Variants in ZFAND6 observed in about 807,000 individuals in gnomAD.
ZFAND6 encodes the protein zinc finger AN1-type containing 6.
ZFAND6 carries 12 observed loss-of-function variants against 24.5 expected under a neutral mutation model. That is an observed-to-expected ratio of 0.49 (90% CI 0.31 to 0.79). ZFAND6 has a LOEUF of 0.79. Among genes scored for constraint, ZFAND6 ranks in the 30% least tolerant of loss-of-function variants. The pLI, the probability that ZFAND6 is intolerant of heterozygous loss-of-function variation, is 0.04. For synonymous variants in ZFAND6, 92 were observed against 81.5 expected (o/e 1.13, Z -0.69); for missense variants, 207 against 245.9 (o/e 0.84, Z 1.06).
At chr15:80,126,977 G>A (rs895178222) in intron 5 of ZFAND6, among the ~76,000 whole-genome samples, 6 of 151,930 alleles carry the variant, frequency 3.9e-5, no homozygotes, top group Admixed American at 6.6e-5. Context: ...GGTGGCGCAC[G>A]CTTGTAGTCC....
chr15:80,068,958 CTT>C (rs1248694784), intron 1 of ZFAND6, among the ~76,000 whole-genome samples: 1 of 152,210 alleles, frequency 6.6e-6, no homozygotes, highest in African/African-American at 2.4e-5. Flanking sequence ...ACTCTGTTAA[CTT>C]TTGAATGTTA....
intron 1 of ZFAND6, among the ~76,000 whole-genome samples, chr15:80,070,624 C>T (rs886965428): frequency 2.0e-5 from 3 of 152,112 alleles, no homozygotes; most frequent in African/African-American, 7.2e-5. Context: ...GTTCTCTTTT[C>T]TCTTGGTTAT....
chr15:80,085,100 T>C (rs2037911103), intron 1 of ZFAND6, among the ~76,000 whole-genome samples: 1 of 152,220 alleles, frequency 6.6e-6, no homozygotes, highest in Non-Finnish European at 1.5e-5. Context: ...GGCTGCTGAT[T>C]CTTCCATACG....
At chr15:80,067,344 C>G (rs985587191) in intron 1 of ZFAND6, among the ~76,000 whole-genome samples, 28 of 152,164 alleles carry the variant, frequency 1.8e-4, no homozygotes, top group African/African-American at 6.5e-4. Context: ...TTTCTCTACT[C>G]AAGACCTTTG....
rs1003770092 is a variant in ZFAND6 at position 80,137,819 on chromosome 15, G to C, written c.*191G>C. ...CCATTGCAATTTCTGTGGCTGAGGA[G>C]ACTTAAACTTTACAAGTATTATCCT... On this transcript the variant is annotated 3_prime_UTR_variant, in exon 7 of 7. Coordinates refer to ENST00000261749, the MANE Select transcript of ZFAND6 (RefSeq NM_019006.4). 4 of 512,604 alleles carry C rather than the reference G, an allele frequency of 7.8e-6. No individual in the cohort carries two copies. The African/African-American group carries it at 8.0e-5, about 10-fold the overall frequency. The allele number at this position is 512,604 out of a possible 1,614,324, so 31.8% of individuals were successfully genotyped here.
At chr15:80,107,462 TTCA>T (rs1169914306) in intron 2 of ZFAND6, among the ~76,000 whole-genome samples, 5 of 152,210 alleles carry the variant, frequency 3.3e-5, no homozygotes, top group African/African-American at 1.2e-4. Context: ...TGTTTTACCC[TTCA>T]TTGCTTTTAC....
At chr15:80,099,912 C>T (rs79709967) in intron 2 of ZFAND6, among the ~76,000 whole-genome samples, 3,578 of 152,160 alleles carry the variant, frequency 0.024, 121 homozygotes, top group African/African-American at 0.079. Flanking sequence ...CCACCTTGCG[C>T]GGCCGAATAT....
intron 6 of ZFAND6, among the ~76,000 whole-genome samples, chr15:80,135,457 G>A (rs891982427): frequency 3.9e-5 from 6 of 152,226 alleles, no homozygotes; most frequent in African/African-American, 1.4e-4. Flanking sequence ...GAAAGTAGTT[G>A]CAGCTATAGA....
chr15:80,101,972 T>G (rs2039059944), intron 2 of ZFAND6, among the ~76,000 whole-genome samples: 1 of 151,574 alleles, frequency 6.6e-6, no homozygotes, highest in South Asian at 2.1e-4. Context: ...TTTTGTATTT[T>G]TTAGTAGAGA....
At chr15:80,068,895 GGT>G (rs1196756297) in intron 1 of ZFAND6, among the ~76,000 whole-genome samples, 18 of 152,164 alleles carry the variant, frequency 1.2e-4, no homozygotes, top group African/African-American at 4.3e-4. Flanking sequence ...TATTTACTGT[GGT>G]ATCTTCAGCG....
intron 1 of ZFAND6, chr15:80,060,126 C>T (rs2036243746): frequency 6.6e-6 from 1 of 151,976 alleles, no homozygotes. Context: ...CTCAGTTCTT[C>T]AGGGCCGCGG....
intron 1 of ZFAND6, among the ~76,000 whole-genome samples, chr15:80,086,902 G>A (rs1235095659): frequency 2.0e-5 from 3 of 152,314 alleles, no homozygotes; most frequent in African/African-American, 4.8e-5. Flanking sequence ...CACGTAAGTG[G>A]AATCATACAA....
chr15:80,074,097 C>T (rs1321453749), intron 1 of ZFAND6, among the ~76,000 whole-genome samples: 1 of 151,792 alleles, frequency 6.6e-6, no homozygotes, highest in Admixed American at 6.6e-5. Context: ...ATGTGTAGCC[C>T]CTTAAATGTT....
chr15:80,100,529 A>G (rs1038327433), intron 2 of ZFAND6, among the ~76,000 whole-genome samples: 1 of 152,186 alleles, frequency 6.6e-6, no homozygotes, highest in Non-Finnish European at 1.5e-5. Flanking sequence ...CTCTTCTCTC[A>G]AGGGGATAAA....
intron 2 of ZFAND6, among the ~76,000 whole-genome samples, chr15:80,114,373 G>C (rs542248810): frequency 1.3e-5 from 2 of 152,290 alleles, no homozygotes; most frequent in Non-Finnish European, 2.9e-5. Context: ...GGCTGCTCGG[G>C]TTAAATTATG....
intron 1 of ZFAND6, among the ~76,000 whole-genome samples, chr15:80,067,507 T>C (rs1215571036): frequency 6.6e-6 from 1 of 152,060 alleles, no homozygotes; most frequent in Non-Finnish European, 1.5e-5. Context: ...TCATTAAGTT[T>C]GTGTGAATTG....
chr15:80,124,474 T>C (rs1018852894), intron 5 of ZFAND6, among the ~76,000 whole-genome samples: 6 of 152,110 alleles, frequency 3.9e-5, no homozygotes, highest in African/African-American at 1.2e-4. Flanking sequence ...GAAAAAAATG[T>C]ATAAAGCTTA....
chr15:80,110,279 G>T (rs1042476034), intron 2 of ZFAND6, among the ~76,000 whole-genome samples: 3 of 152,162 alleles, frequency 2.0e-5, no homozygotes, highest in African/African-American at 7.2e-5. Context: ...CACCTAGGAG[G>T]CTGGAACAAA....
At chr15:80,080,065 C>T (rs2037562231) in intron 1 of ZFAND6, among the ~76,000 whole-genome samples, 1 of 151,634 alleles carries the variant, frequency 6.6e-6, no homozygotes, top group Non-Finnish European at 1.5e-5. Context: ...GTGGTGCAAT[C>T]TCCAGTCACT....
Sources: gnomAD v4.1 joint callset for allele counts (sites outside exome capture counted in the v4.1 genomes callset) on GRCh38, gnomAD v4.1.1 for gene constraint, MANE v1.5 for transcripts, NCBI Gene and HGNC (gene_info 2026-07-23, HGNC 2026-07-21) for gene names.